The following HSD17B12 variants were observed in gnomAD, a reference collection of about 807,000 sequenced individuals.
The protein encoded by HSD17B12 is hydroxysteroid 17-beta dehydrogenase 12, also known as very-long-chain 3-oxoacyl-CoA reductase.
In HSD17B12, 32 loss-of-function variants were observed where a neutral mutation model predicts 39.3. That is an observed-to-expected ratio of 0.81 (90% CI 0.61 to 1.09). The LOEUF (loss-of-function observed/expected upper bound fraction) is 1.09, where lower values mean the gene tolerates loss of function less well. Among genes scored for constraint, HSD17B12 ranks in the 50% least tolerant of loss-of-function variants. The pLI, the probability that HSD17B12 is intolerant of heterozygous loss-of-function variation, is 0.00. For synonymous variants in HSD17B12, 150 were observed against 146.7 expected, an observed-to-expected ratio of 1.02 and a Z score of -0.16; for missense variants, 342 against 382.9, an observed-to-expected ratio of 0.89 and a Z score of 0.89.
chr11:43,654,407 T>C, the HSD17B12 span, among the ~76,000 whole-genome samples: 8 of 152,088 alleles, frequency 5.3e-5, no homozygotes, highest in East Asian at 1.9e-4. Context: ...TAATTAGATC[T>C]CATTTGTCAA....
chr11:43,776,959 A>G (rs1437483415), intron 3 of HSD17B12, among the ~76,000 whole-genome samples: 2 of 151,926 alleles, frequency 1.3e-5, no homozygotes, highest in Non-Finnish European at 2.9e-5. Flanking sequence ...TGTTCCATTG[A>G]TCTATATCTC....
chr11:43,689,203 A>G (rs1157854034), intron 1 of HSD17B12, among the ~76,000 whole-genome samples: 1 of 152,218 alleles, frequency 6.6e-6, no homozygotes, highest in Non-Finnish European at 1.5e-5. Flanking sequence ...TTTCAATTAC[A>G]TTTGTAAAAA....
chr11:43,783,012 A>C (rs892228231), intron 3 of HSD17B12, among the ~76,000 whole-genome samples: 9 of 152,194 alleles, frequency 5.9e-5, no homozygotes, highest in African/African-American at 2.2e-4. Context: ...GGAAGCATAC[A>C]AACCTAAGTT....
At chr11:43,579,668 G>C in the HSD17B12 span, among the ~76,000 whole-genome samples, 1 of 152,172 alleles carries the variant, frequency 6.6e-6, no homozygotes, top group East Asian at 2.0e-4. Flanking sequence ...CCCCTCTGGC[G>C]CGGCGGGCGC....
At chr11:43,662,330 C>A in the HSD17B12 span, among the ~76,000 whole-genome samples, 2 of 151,222 alleles carry the variant, frequency 1.3e-5, no homozygotes, top group South Asian at 4.2e-4. Flanking sequence ...TCCCCAGTAA[C>A]TGGGACTACA....
At chr11:43,566,463 A>G in the HSD17B12 span, among the ~76,000 whole-genome samples, 13 of 152,214 alleles carry the variant, frequency 8.5e-5, no homozygotes, top group African/African-American at 3.1e-4. Flanking sequence ...GTTAATTGTA[A>G]GAAAGACCAG....
At chr11:43,699,619 A>G (rs971742231) in intron 1 of HSD17B12, among the ~76,000 whole-genome samples, 1 of 152,150 alleles carries the variant, frequency 6.6e-6, no homozygotes, top group African/African-American at 2.4e-5. Context: ...TGTTACTGCA[A>G]ATGGAGACAT....
intron 1 of HSD17B12, among the ~76,000 whole-genome samples, chr11:43,735,277 GCTATATAC>G (rs1178545863): frequency 6.6e-6 from 1 of 152,132 alleles, no homozygotes; most frequent in Non-Finnish European, 1.5e-5. Context: ...AGTTTTGGGG[GCTATATAC>G]CTAGGAGTGG....
intron 1 of HSD17B12, among the ~76,000 whole-genome samples, chr11:43,745,026 G>T (rs959919623): frequency 9.2e-5 from 14 of 152,214 alleles, no homozygotes; most frequent in African/African-American, 2.7e-4. Flanking sequence ...CTGGCAGCAG[G>T]TAACACTCCT....
chr11:43,835,153 G>C (rs1951356971), intron 7 of HSD17B12, among the ~76,000 whole-genome samples: 1 of 152,164 alleles, frequency 6.6e-6, no homozygotes, highest in African/African-American at 2.4e-5. Flanking sequence ...CCCAGAAAAT[G>C]AGAGATTAAC....
the HSD17B12 span, among the ~76,000 whole-genome samples, chr11:43,671,866 T>TA: frequency 6.6e-6 from 1 of 152,228 alleles, no homozygotes; most frequent in Admixed American, 6.5e-5. Flanking sequence ...TCATTTCATA[T>TA]AATTCCGTGT....
At chr11:43,675,980 C>T (rs1590648640), upstream of HSD17B12, among the ~76,000 whole-genome samples, 2 of 152,086 alleles carry the variant, frequency 1.3e-5, no homozygotes, top group Non-Finnish European at 2.9e-5. Flanking sequence ...GGCATAATGG[C>T]GGGCACCTGT....
chr11:43,578,796 G>C, the HSD17B12 span: 1 of 151,944 alleles, frequency 6.6e-6, no homozygotes, highest in Non-Finnish European at 1.5e-5. Context: ...GTCAAGAAGG[G>C]GGCGGAGGGA....
chr11:43,792,340 T>TA (rs1950875355), intron 3 of HSD17B12, among the ~76,000 whole-genome samples: 1 of 152,214 alleles, frequency 6.6e-6, no homozygotes. Flanking sequence ...AGAGGTTTTT[T>TA]AAAAAACGTG....
chr11:43,590,663 A>T, the HSD17B12 span, among the ~76,000 whole-genome samples: 1 of 151,248 alleles, frequency 6.6e-6, no homozygotes, highest in Non-Finnish European at 1.5e-5. Context: ...GGTACATGCC[A>T]CCATGTCCGG....
intron 1 of HSD17B12, among the ~76,000 whole-genome samples, chr11:43,712,183 C>T (rs562339424): frequency 5.5e-4 from 84 of 152,244 alleles, no homozygotes; most frequent in African/African-American, 2.0e-3. Flanking sequence ...AATCCCAGGA[C>T]TTTGGGAGGC....
chr11:43,753,200 G>T (rs1950480734), intron 2 of HSD17B12, among the ~76,000 whole-genome samples: 1 of 152,072 alleles, frequency 6.6e-6, no homozygotes, highest in South Asian at 2.1e-4. Flanking sequence ...TACACAGAAG[G>T]TGTTCCTCAG....
intron 9 of HSD17B12, among the ~76,000 whole-genome samples, chr11:43,843,772 G>T: frequency 6.6e-6 from 1 of 152,112 alleles, no homozygotes; most frequent in Non-Finnish European, 1.5e-5. Flanking sequence ...TGGCACATTT[G>T]GTTAGGCCTT....
At chr11:43,634,806 A>C in the HSD17B12 span, among the ~76,000 whole-genome samples, 14 of 152,330 alleles carry the variant, frequency 9.2e-5, no homozygotes, top group African/African-American at 3.4e-4. Context: ...AATTGGTTGG[A>C]ATTAGCCACT....
Sources: gnomAD v4.1 joint callset for allele counts (sites outside exome capture counted in the v4.1 genomes callset) on GRCh38, gnomAD v4.1.1 for gene constraint, MANE v1.5 for transcripts, NCBI Gene and HGNC (gene_info 2026-07-23, HGNC 2026-07-21) for gene names.